MYRIP: variants seen among roughly 807,000 people sequenced by gnomAD.
MYRIP encodes the protein myosin VIIA and Rab interacting protein.
A neutral mutation model predicts 98.0 loss-of-function variants in MYRIP; 49 were observed. The observed-to-expected ratio is 0.50, with a 90% CI of 0.40 to 0.63. The LOEUF (loss-of-function observed/expected upper bound fraction) is 0.63, where lower values mean the gene tolerates loss of function less well. Among genes scored for constraint, MYRIP ranks in the 30% least tolerant of loss-of-function variants. The pLI, the probability that MYRIP is intolerant of heterozygous loss-of-function variation, is 0.00. For synonymous variants in MYRIP, 404 were observed against 409.5 expected, an observed-to-expected ratio of 0.99 and a Z score of 0.16; for missense variants, 1,004 against 1,058.2, an observed-to-expected ratio of 0.95 and a Z score of 0.71.
At chr3:39,979,663 A>C (rs991779406) in intron 2 of MYRIP, among the ~76,000 whole-genome samples, 5 of 151,852 alleles carry the variant, frequency 3.3e-5, no homozygotes, top group Admixed American at 6.6e-5. Context: ...AACAAAAAAA[A>C]AAAAACAAAA....
intron 2 of MYRIP, among the ~76,000 whole-genome samples, chr3:39,941,503 G>T (rs563229982): frequency 6.9e-6 from 1 of 145,042 alleles, no homozygotes; most frequent in Non-Finnish European, 1.5e-5. Context: ...GTGTGTGTGT[G>T]TGTGTGTATA....
chr3:40,045,463 A>G (rs1947651893), intron 3 of MYRIP, among the ~76,000 whole-genome samples: 2 of 152,116 alleles, frequency 1.3e-5, no homozygotes, highest in African/African-American at 4.8e-5. Flanking sequence ...GCCCTGCAAC[A>G]ACAAAGGGAA....
In MYRIP at chr3:40,166,886, G is replaced by A. The variant is rs1553621310; in HGVS notation, c.591G>A (p.Val197=). 1 of 1,613,972 alleles carries A rather than the reference G, an allele frequency of 6.2e-7. No homozygotes were observed. The highest frequency in any genetic ancestry group is 8.5e-7 in the Non-Finnish European group (1 of 1,179,992). ...ACACCTTGGCTGTGGCCCTACGGGT[G>A]GCTGAAGAGGCCATTGAGGAAGCAA... ...VMDTLAVALR[V]AEEAIEEAIS... Residue 197 remains valine (V), a synonymous_variant, in exon 6 of 17, where the codon GTG becomes GTA. Coordinates refer to ENST00000302541, the MANE Select transcript of MYRIP (RefSeq NM_015460.4).
chr3:39,849,249 A>T (rs1942057056), intron 1 of MYRIP, among the ~76,000 whole-genome samples: 1 of 152,168 alleles, frequency 6.6e-6, no homozygotes, highest in African/African-American at 2.4e-5. Context: ...ATATTCCAGT[A>T]CCAATGGATG....
chr3:40,251,395 C>T (rs1953373745), intron 15 of MYRIP, among the ~76,000 whole-genome samples: 1 of 152,326 alleles, frequency 6.6e-6, no homozygotes, highest in African/African-American at 2.4e-5. Context: ...ATATAGTACA[C>T]GTGCTGTATA....
At chr3:40,228,253 C>G (rs1217393668) in intron 11 of MYRIP, among the ~76,000 whole-genome samples, 1 of 152,170 alleles carries the variant, frequency 6.6e-6, no homozygotes, top group Non-Finnish European at 1.5e-5. Flanking sequence ...TTTGCTGGGA[C>G]CAGGCACTTG....
At chr3:40,225,427 C>T (rs1559464405) in intron 11 of MYRIP, among the ~76,000 whole-genome samples, 2 of 152,190 alleles carry the variant, frequency 1.3e-5, no homozygotes, top group Non-Finnish European at 2.9e-5. Context: ...CGTTAGACTC[C>T]TCTCTTCCTG....
intron 2 of MYRIP, among the ~76,000 whole-genome samples, chr3:39,977,128 A>G (rs927705602): frequency 6.6e-6 from 1 of 152,158 alleles, no homozygotes; most frequent in Non-Finnish European, 1.5e-5. Flanking sequence ...TATTTTAAAA[A>G]AAAACGGTGA....
rs776177217 is a variant in MYRIP at position 40,044,228 on chromosome 3, A to C, written c.289A>C (p.Lys97Gln). 1 of 1,614,186 alleles carries C rather than the reference A, an allele frequency of 6.2e-7. No individual in the cohort carries two copies. Among genetic ancestry groups the C allele is most frequent in the South Asian group, 1.1e-5 (1 of 91,086 alleles). ...CTGCAAGAGCTGCTGCTCCTACCAG[A>C]AGCACGAAAAGGCCTGGGTCTGCTG... The part of the protein sequence containing the change: ...NVCKSCCSYQ[K>Q]HEKAWVCCVC... The change falls in exon 3 of 17, where the codon AAG (lysine) becomes CAG (glutamine). Residue 97 changes from lysine (K) to glutamine (Q), a missense_variant. Coordinates refer to ENST00000302541, the MANE Select transcript of MYRIP (RefSeq NM_015460.4).
chr3:40,013,236 C>A (rs1025636192), intron 2 of MYRIP, among the ~76,000 whole-genome samples: 2 of 152,184 alleles, frequency 1.3e-5, no homozygotes, highest in African/African-American at 4.8e-5. Flanking sequence ...TTTTGCACTT[C>A]CATTATTACT....
At chr3:40,025,707 CAT>C (rs1947111659) in intron 2 of MYRIP, among the ~76,000 whole-genome samples, 1 of 152,012 alleles carries the variant, frequency 6.6e-6, no homozygotes, top group Admixed American at 6.5e-5. Flanking sequence ...GGTGTCATCA[CAT>C]ATTGGTAGGT....
chr3:40,094,942 AC>A, intron 3 of MYRIP, among the ~76,000 whole-genome samples: 1 of 151,942 alleles, frequency 6.6e-6, no homozygotes, highest in South Asian at 2.1e-4. Flanking sequence ...CTCAGAAACC[AC>A]CTCCCTCCCC....
At chr3:40,144,976 C>T (rs988745323) in intron 3 of MYRIP, among the ~76,000 whole-genome samples, 3 of 152,190 alleles carry the variant, frequency 2.0e-5, no homozygotes, top group Non-Finnish European at 4.4e-5. Context: ...AGAGAGGACT[C>T]ATCATTTTAG....
At chr3:40,055,761 A>G (rs749791376) in intron 3 of MYRIP, among the ~76,000 whole-genome samples, 3 of 152,150 alleles carry the variant, frequency 2.0e-5, no homozygotes, top group African/African-American at 4.8e-5. Context: ...CCTTGTTACA[A>G]TGTCTTTTAC....
At chr3:40,200,538 AC>A (rs1456755728) in intron 10 of MYRIP, among the ~76,000 whole-genome samples, 7 of 152,288 alleles carry the variant, frequency 4.6e-5, no homozygotes, top group East Asian at 1.9e-4. Flanking sequence ...GAAAATGATC[AC>A]TTTATTGTAG....
chr3:40,248,190 T>C (rs551168423), intron 13 of MYRIP: 2 of 152,298 alleles, frequency 1.3e-5, no homozygotes, highest in South Asian at 4.1e-4. Context: ...TTACTTAGAG[T>C]CTACTTTTGA....
chr3:40,216,142 T>C (rs9850915), intron 11 of MYRIP, among the ~76,000 whole-genome samples: 8,078 of 152,186 alleles, frequency 0.053, 690 homozygotes, highest in African/African-American at 0.18. Flanking sequence ...GCAGACATAC[T>C]TCAAGCCTCT....
intron 11 of MYRIP, among the ~76,000 whole-genome samples, chr3:40,215,367 TATC>T (rs1372021201): frequency 3.3e-5 from 5 of 152,168 alleles, no homozygotes; most frequent in Non-Finnish European, 7.3e-5. Context: ...GAATTTTATT[TATC>T]ATTTCATAGA....
chr3:40,006,902 C>T (rs1399914193), intron 2 of MYRIP, among the ~76,000 whole-genome samples: 2 of 151,856 alleles, frequency 1.3e-5, no homozygotes, highest in Non-Finnish European at 2.9e-5. Flanking sequence ...GCTCTGTTGC[C>T]CTGGCTGGGG....
Sources: gnomAD v4.1 joint callset for allele counts (sites outside exome capture counted in the v4.1 genomes callset) on GRCh38, gnomAD v4.1.1 for gene constraint, MANE v1.5 for transcripts, NCBI Gene and HGNC (gene_info 2026-07-23, HGNC 2026-07-21) for gene names.